Variants in LAMA4 observed in about 807,000 individuals in gnomAD.
LAMA4 encodes laminin subunit alpha-4.
In LAMA4, 127 loss-of-function variants were observed where a neutral mutation model predicts 207.1. That is an observed-to-expected ratio of 0.61 (90% CI 0.53 to 0.71). The LOEUF (loss-of-function observed/expected upper bound fraction) is 0.71, where lower values mean the gene tolerates loss of function less well. Ranked by LOEUF, LAMA4 falls within the 30% of genes least tolerant of loss-of-function variation. The pLI, the probability that LAMA4 is intolerant of heterozygous loss-of-function variation, is 0.00. For synonymous variants in LAMA4, 761 were observed against 816.0 expected (o/e 0.93, Z 1.15); for missense variants, 2,093 against 2,246.5 (o/e 0.93, Z 1.38).
At chr6:112,137,584 A>G (rs1562648676) in intron 24 of LAMA4, among the ~76,000 whole-genome samples, 1 of 152,206 alleles carries the variant, frequency 6.6e-6, no homozygotes, top group Non-Finnish European at 1.5e-5. Context: ...CTCCTCATCC[A>G]TTTCTTTGCT....
Position 112,198,699 on chromosome 6 carries a change from G to T in LAMA4, c.503+2909C>A, listed in dbSNP as rs145224052. ...CAGTGGCACTATTTAGCTCAGAGCT[G>T]TAATTTCTAGCTAAGGAAACCGAGA... On this transcript the variant is annotated intron_variant, in intron 5 of 38. Coordinates refer to ENST00000230538, the MANE Select transcript of LAMA4 (RefSeq NM_001105206.3). Among the ~76,000 whole-genome samples the T allele has an allele frequency of 1.2e-3, 184 of 152,302 alleles. 1 individual carries two copies. The highest frequency in any genetic ancestry group is 4.3e-3 in the African/African-American group (177 of 41,568).
At chr6:112,135,709 G>A (rs1389911879) in intron 25 of LAMA4, 1 of 167,064 alleles carries the variant, frequency 6.0e-6, no homozygotes, top group Non-Finnish European at 1.3e-5. Context: ...TGGTTTAAAA[G>A]GAAATTCTGT....
intron 2 of LAMA4, among the ~76,000 whole-genome samples, chr6:112,243,229 G>A (rs956002558): frequency 1.2e-4 from 18 of 152,064 alleles, no homozygotes; most frequent in Admixed American, 3.3e-4. Context: ...GGTAACCTGT[G>A]CTGCAGATCA....
At chr6:112,216,728 C>T (rs1458119214) in intron 2 of LAMA4, 1 of 470,750 alleles carries the variant, frequency 2.1e-6, no homozygotes, top group Non-Finnish European at 3.9e-6. Context: ...GCCTTTAACA[C>T]TGTCTTATCA....
chr6:112,225,561 TTA>T (rs1785165974), intron 2 of LAMA4, among the ~76,000 whole-genome samples: 1 of 152,124 alleles, frequency 6.6e-6, no homozygotes, highest in Non-Finnish European at 1.5e-5. Context: ...AATCTGAGGT[TTA>T]AATGCAGATA....
chr6:112,206,207 G>A (rs987834322), intron 4 of LAMA4, among the ~76,000 whole-genome samples: 2 of 152,134 alleles, frequency 1.3e-5, no homozygotes, highest in Non-Finnish European at 2.9e-5. Flanking sequence ...AGTGTGACTA[G>A]CCTGGGGACC....
chr6:112,116,125 G>T, intron 35 of LAMA4, 132 bp from the exon 36 acceptor site: 1 of 904,196 alleles, frequency 1.1e-6, no homozygotes, highest in Non-Finnish European at 1.7e-6. Flanking sequence ...TAAGTAGAAA[G>T]TGGCTTTTCC....
intron 10 of LAMA4, among the ~76,000 whole-genome samples, chr6:112,175,877 A>T (rs1781996615): frequency 6.6e-6 from 1 of 152,210 alleles, no homozygotes; most frequent in African/African-American, 2.4e-5. Context: ...TTTATATAAC[A>T]TACTTAACTT....
At chr6:112,162,878 T>C (rs1781140432) in intron 13 of LAMA4, among the ~76,000 whole-genome samples, 1 of 151,242 alleles carries the variant, frequency 6.6e-6, no homozygotes, top group Non-Finnish European at 1.5e-5. Flanking sequence ...AGAGTATAGG[T>C]AGAAAAGAAG....
At chr6:112,121,793 G>A (rs2114598827) in intron 32 of LAMA4, 1 of 496,428 alleles carries the variant, frequency 2.0e-6, no homozygotes, top group East Asian at 3.8e-5. Flanking sequence ...ACAGTATCCT[G>A]GAAGAATACT....
intron 21 of LAMA4, 71 bp downstream of exon 21, chr6:112,141,287 C>T (rs868969276): frequency 3.9e-5 from 52 of 1,350,542 alleles, no homozygotes; most frequent in Middle Eastern, 1.8e-4. Context: ...TGTGTGTGCA[C>T]GCACATGTGC....
intron 10 of LAMA4, among the ~76,000 whole-genome samples, chr6:112,176,846 T>C (rs547373687): frequency 6.6e-6 from 1 of 152,368 alleles, no homozygotes; most frequent in East Asian, 1.9e-4. Context: ...TTAGAAGTTA[T>C]TGTTTCCCAT....
Position 112,114,187 on chromosome 6 carries a change from C to T in LAMA4, c.5215G>A (p.Asp1739Asn), listed in dbSNP as rs1554322488. 3.7e-6 allele frequency: 6 copies of T among 1,613,828 alleles called. No homozygotes were observed. Among genetic ancestry groups the T allele is most frequent in the Non-Finnish European group, 5.1e-6 (6 of 1,179,748 alleles). Reference protein sequence around the residue: ...GRWHRITVIRDSNVVQLDVDS... With the variant: ...GRWHRITVIRNSNVVQLDVDS... ...ACATCCAACTGAACCACATTAGAAT[C>T]TCTAATAACTGAAATGCAGGGCAAA... The change falls in exon 38 of 39, where the codon GAT (aspartate) becomes AAT (asparagine). Residue 1739 changes from aspartate to asparagine, a missense_variant. By Grantham distance (23) the Asp-to-Asn change is conservative. This residue lies in a region of LAMA4 where 383 missense variants were observed against 437.8 expected (regional missense o/e 0.87). Transcript: ENST00000230538.
At chr6:112,245,636 G>A (rs1443513339) in intron 2 of LAMA4, among the ~76,000 whole-genome samples, 1 of 146,254 alleles carries the variant, frequency 6.8e-6, no homozygotes, top group Non-Finnish European at 1.5e-5. Context: ...CCTTTTAGCT[G>A]TAGAGTACAG....
rs1778277466 is a variant in LAMA4 at position 112,120,359 on chromosome 6, A to G, written c.4589T>C (p.Val1530Ala). The G allele has an allele frequency of 6.2e-7, 1 of 1,614,054 alleles. No individual in the cohort carries two copies. Reference protein sequence around the residue: ...MTLFLAHGRLVYMFNVGHKKL... With the variant: ...MTLFLAHGRLAYMFNVGHKKL... Reference sequence around the variant, plus strand: ...TTTGTGACCAACATTAAACATGTAAACCAAGCGGCCATGGGCCAAAAATAG... The same window carrying G: ...TTTGTGACCAACATTAAACATGTAAGCCAAGCGGCCATGGGCCAAAAATAG... The change falls in exon 33 of 39, where the codon GTT becomes GCT. Residue 1530 changes from valine to alanine, a missense_variant. Coordinates refer to ENST00000230538, the MANE Select transcript of LAMA4 (RefSeq NM_001105206.3).
At chr6:112,134,642 A>G (rs1554330952) in intron 25 of LAMA4, 33 bp from the exon 26 acceptor site, 1 of 1,524,810 alleles carries the variant, frequency 6.6e-7, no homozygotes, top group East Asian at 2.3e-5. Context: ...AGCCTTGATT[A>G]ACTATTTAAT....
intron 22 of LAMA4, among the ~76,000 whole-genome samples, chr6:112,140,337 C>T (rs868986505): frequency 1.3e-5 from 2 of 152,096 alleles, no homozygotes; most frequent in Admixed American, 6.6e-5. Context: ...ATACTCTCTC[C>T]GAAGTCTCAC....
intron 2 of LAMA4, among the ~76,000 whole-genome samples, chr6:112,245,084 G>C (rs1248144888): frequency 6.6e-6 from 1 of 152,172 alleles, no homozygotes; most frequent in African/African-American, 2.4e-5. Flanking sequence ...TGACCTGGGG[G>C]TTGACAGAAC....
intron 4 of LAMA4, 141 bp downstream of exon 4, chr6:112,206,880 A>G (rs1784086512): frequency 1.0e-6 from 1 of 955,278 alleles, no homozygotes; most frequent in Non-Finnish European, 1.6e-6. Context: ...CTTTTTCTAT[A>G]TCTTTTCCAG....
Sources: allele counts gnomAD v4.1 joint callset (sites outside exome capture counted in the v4.1 genomes callset), GRCh38; gene constraint gnomAD v4.1.1; regional missense constraint gnomAD v4.1.1; transcripts MANE v1.5; gene names NCBI Gene and HGNC (gene_info 2026-07-23, HGNC 2026-07-21).